Variants in SVIL observed in about 807,000 individuals in gnomAD.
The protein encoded by SVIL is archvillin.
In SVIL, 101 loss-of-function variants were observed where a neutral mutation model predicts 240.4. That is an observed-to-expected ratio of 0.42 (90% confidence interval 0.36 to 0.50). SVIL has a LOEUF of 0.50. SVIL is among the 20% of genes least tolerant of loss of function. The pLI, the probability that SVIL is intolerant of heterozygous loss-of-function variation, is 0.01. For missense variants in SVIL, 2,512 were observed against 2,818.7 expected, an observed-to-expected ratio of 0.89 and a Z score of 2.46; for synonymous variants, 999 against 1,100.0, an observed-to-expected ratio of 0.91 and a Z score of 1.82.
At chr10:29,507,613 A>ACACACACG (rs1432678939) in intron 17 of SVIL, 4 of 251,808 alleles carry the variant, frequency 1.6e-5, no homozygotes, top group African/African-American at 7.0e-5. Flanking sequence ...ACACACACAC[A>ACACACACG]CACACACACC....
At chr10:29,473,573 C>A in intron 30 of SVIL, 1 of 513,278 alleles carries the variant, frequency 1.9e-6, no homozygotes, top group Admixed American at 3.6e-5. Flanking sequence ...TCAAAGCCAC[C>A]CATTGGCCAT....
chr10:29,519,810 G>A (rs1348912396), intron 16 of SVIL, among the ~76,000 whole-genome samples: 2 of 152,188 alleles, frequency 1.3e-5, no homozygotes, highest in Non-Finnish European at 2.9e-5. Flanking sequence ...TGGGCTCAGG[G>A]ATCTCTTGGA....
intron 1 of SVIL, among the ~76,000 whole-genome samples, chr10:29,600,722 T>C (rs894842582): frequency 1.1e-4 from 16 of 152,170 alleles, no homozygotes; most frequent in African/African-American, 3.9e-4. Flanking sequence ...AAGGACCCTA[T>C]GCAAAAACGA....
Position 29,729,334 on chromosome 10 carries a change from T to C in SVIL, c.-400+6417A>G, listed in dbSNP as rs118133390. On this transcript the variant is annotated intron_variant, in intron 1 of 35. Coordinates refer to the SVIL transcript ENST00000375400. ...AGAATTTTGTAGCATCCCAAGACATTAAGCAGGAGGAAAAAGTTTGATGGT... is the reference window on the plus strand; with the variant it reads ...AGAATTTTGTAGCATCCCAAGACATCAAGCAGGAGGAAAAAGTTTGATGGT... Among the ~76,000 whole-genome samples the C allele has an allele frequency of 1.9e-3, 284 of 152,078 alleles. 1 individual carries two copies. Among genetic ancestry groups the C allele is most frequent in the Non-Finnish European group, 3.0e-3 (206 of 68,006 alleles).
At chr10:29,624,576 A>T (rs1957794203) in intron 1 of SVIL, among the ~76,000 whole-genome samples, 1 of 152,198 alleles carries the variant, frequency 6.6e-6, no homozygotes, top group Non-Finnish European at 1.5e-5. Context: ...AAAATCATTT[A>T]CAGTGCTCAT....
At chr10:29,623,375 C>G (rs1399892820) in intron 1 of SVIL, among the ~76,000 whole-genome samples, 1 of 152,176 alleles carries the variant, frequency 6.6e-6, no homozygotes, top group Non-Finnish European at 1.5e-5. Context: ...AGAACAGTAC[C>G]AGTTTGAGAA....
At chr10:29,608,112 C>T (rs1957092553) in intron 1 of SVIL, among the ~76,000 whole-genome samples, 1 of 152,220 alleles carries the variant, frequency 6.6e-6, no homozygotes, top group Non-Finnish European at 1.5e-5. Context: ...ATGGGACTCT[C>T]TACTGCCCCC....
At chr10:29,542,784 A>G (rs563319122) in intron 6 of SVIL, among the ~76,000 whole-genome samples, 35 of 152,298 alleles carry the variant, frequency 2.3e-4, no homozygotes, top group African/African-American at 8.4e-4. Context: ...TACTTTTTGT[A>G]CCCGTTAGGT....
In SVIL at chr10:29,481,607, G is replaced by C. The variant is rs200087851; in HGVS notation, c.5077C>G (p.Pro1693Ala). 1 of 1,613,960 alleles carries C rather than the reference G, an allele frequency of 6.2e-7. No individual in the cohort carries two copies. The highest frequency in any genetic ancestry group is 8.5e-7 in the Non-Finnish European group (1 of 1,180,014). The change falls in exon 28 of 38, where the codon CCC becomes GCC. Residue 1693 changes from proline (P) to alanine (A), a missense_variant. Coordinates refer to ENST00000355867, the MANE Select transcript of SVIL (RefSeq NM_021738.3). The part of the protein sequence containing the change: ...TELKRSNEKN[P>A]GELAQHKEDP... The stretch of plus-strand genomic sequence containing the variant: ...ACCTTGTGCTGGGCAAGTTCCCCGG[G>C]GTTCTTCTCATTCGATCTCTTCAGT...
At chr10:29,515,047 G>A (rs1950119172) in intron 16 of SVIL, among the ~76,000 whole-genome samples, 1 of 152,146 alleles carries the variant, frequency 6.6e-6, no homozygotes, top group South Asian at 2.1e-4. Flanking sequence ...TCGAACTCTG[G>A]ACCTGTCCCC....
intron 1 of SVIL, chr10:29,575,996 C>A: frequency 2.0e-6 from 1 of 494,302 alleles, no homozygotes. Context: ...ATCTTTATGA[C>A]TGAAGTACCC....
chr10:29,543,068 C>T (rs1475613599), intron 6 of SVIL, among the ~76,000 whole-genome samples: 3 of 152,186 alleles, frequency 2.0e-5, no homozygotes, highest in Admixed American at 6.5e-5. Flanking sequence ...AAAATGGTCC[C>T]AGTTTCTATT....
intron 1 of SVIL, among the ~76,000 whole-genome samples, chr10:29,724,404 C>T (rs943693): frequency 0.21 from 30,186 of 146,760 alleles, 3,641 homozygotes; most frequent in Admixed American, 0.27. Flanking sequence ...CACATACACA[C>T]AGATGTTGGG....
chr10:29,650,071 C>A (rs1409458324), intron 3 of SVIL, among the ~76,000 whole-genome samples: 1 of 152,144 alleles, frequency 6.6e-6, no homozygotes, highest in Admixed American at 6.6e-5. Flanking sequence ...GAACCATGAG[C>A]CAAATAAACT....
intron 2 of SVIL, among the ~76,000 whole-genome samples, chr10:29,680,745 C>CTAAAAA (rs1564758624): frequency 1.3e-5 from 2 of 152,062 alleles, no homozygotes; most frequent in East Asian, 3.9e-4. Flanking sequence ...ATAGTAAAAC[C>CTAAAAA]CTGTCTCTAC....
intron 1 of SVIL, among the ~76,000 whole-genome samples, chr10:29,717,757 G>C (rs1644017190): frequency 6.6e-6 from 1 of 152,154 alleles, no homozygotes; most frequent in Non-Finnish European, 1.5e-5. Context: ...CGTGGAGAAT[G>C]ATTTTTTGAT....
chr10:29,710,897 C>A (rs1197584524), intron 1 of SVIL, among the ~76,000 whole-genome samples: 1 of 152,072 alleles, frequency 6.6e-6, no homozygotes, highest in Non-Finnish European at 1.5e-5. Flanking sequence ...TAGAACAAAG[C>A]CTTGAATTTA....
intron 3 of SVIL, among the ~76,000 whole-genome samples, chr10:29,645,076 A>ACATTCAC (rs1554885385): frequency 6.6e-6 from 1 of 152,222 alleles, no homozygotes; most frequent in Non-Finnish European, 1.5e-5. Flanking sequence ...ATTTAATACA[A>ACATTCAC]CATTCACTTC....
At chr10:29,502,317 T>C (rs1948955831) in intron 17 of SVIL, among the ~76,000 whole-genome samples, 1 of 152,218 alleles carries the variant, frequency 6.6e-6, no homozygotes, top group African/African-American at 2.4e-5. Context: ...AATAAATATT[T>C]ATCACAATTT....
Sources: gnomAD v4.1 joint callset for allele counts (sites outside exome capture counted in the v4.1 genomes callset) on GRCh38, gnomAD v4.1.1 for gene constraint, MANE v1.5 for transcripts, NCBI Gene and HGNC (gene_info 2026-07-23, HGNC 2026-07-21) for gene names.